The following LMO3 variants were observed in gnomAD, a reference collection of about 807,000 sequenced individuals.
LMO3 encodes the protein LIM domain only 3, also known as LIM domain only protein 3.
A neutral mutation model predicts 15.8 loss-of-function variants in LMO3; 2 were observed. The ratio of observed to expected loss-of-function variants is 0.13; its 90% CI spans 0.05 to 0.40. The LOEUF (loss-of-function observed/expected upper bound fraction) is 0.40, where lower values mean the gene tolerates loss of function less well. Ranked by LOEUF, LMO3 falls within the 10% of genes least tolerant of loss-of-function variation. The pLI is 0.99. For missense variants in LMO3, 86 were observed against 182.2 expected (o/e 0.47, Z 3.04); for synonymous variants, 62 against 63.8 (o/e 0.97, Z 0.13).
rs1282882121 is a variant in LMO3, at chr12:16,560,088, T to G, written c.332+325A>C. Among the ~76,000 whole-genome samples the G allele has an allele frequency of 6.6e-6, 1 of 152,144 alleles. No individual in the cohort carries two copies. The highest frequency in any genetic ancestry group is 1.5e-5 in the Non-Finnish European group (1 of 68,014). ...CCAATTTATTTACTCACATAAGTAG[T>G]ATAAAAAAGTAGATATTTAAAACTA... On this transcript the variant is annotated intron_variant, in intron 3 of 3. Coordinates refer to ENST00000537304, the MANE Select transcript of LMO3 (RefSeq NM_018640.5). This position sits in a 1 kb window ranked among gnomAD's most constrained non-coding sequence, Gnocchi z 5.0.
At chr12:16,561,681 C>T (rs1942411259) in intron 2 of LMO3, among the ~76,000 whole-genome samples, 1 of 152,162 alleles carries the variant, frequency 6.6e-6, no homozygotes, top group African/African-American at 2.4e-5. Context: ...GAAGTCTTTT[C>T]TTAAGGCATG....
chr12:16,581,981 T>A (rs1230344786), intron 2 of LMO3, among the ~76,000 whole-genome samples: 1 of 152,152 alleles, frequency 6.6e-6, no homozygotes, highest in Non-Finnish European at 1.5e-5. Flanking sequence ...TTATATTTAT[T>A]TACTTCGTTT....
At chr12:16,572,051 T>C (rs569488224) in intron 2 of LMO3, among the ~76,000 whole-genome samples, 2 of 152,080 alleles carry the variant, frequency 1.3e-5, no homozygotes, top group African/African-American at 2.4e-5. Context: ...AACTCCTTTT[T>C]GGAATAAGAA....
rs1943239559 is a variant in LMO3, at chr12:16,583,853, G to T, written c.206+16802C>A. The stretch of plus-strand genomic sequence containing the variant: ...TGATTGACAGTTGGGTTCATAGTGG[G>T]CAGGAAAGATAGAAGTCTTAAAGGT... On this transcript the variant is annotated intron_variant, in intron 2 of 3. Coordinates refer to ENST00000537304, the MANE Select transcript of LMO3 (RefSeq NM_018640.5). Among the ~76,000 whole-genome samples, 3 of 152,156 alleles carry T rather than the reference G, an allele frequency of 2.0e-5. 1 individual carries two copies. The South Asian group carries it at 6.2e-4, about 32-fold the overall frequency.
intron 2 of LMO3, among the ~76,000 whole-genome samples, chr12:16,581,651 A>C (rs1323204737): frequency 1.3e-5 from 2 of 152,182 alleles, no homozygotes; most frequent in African/African-American, 4.8e-5. Flanking sequence ...CTATTATAAC[A>C]GGCTTACCAT....
Position 16,549,168 on chromosome 12 carries a change from A to C in LMO3, c.*2054T>G, listed in dbSNP as rs1941895833. 1 of 152,066 alleles carries C rather than the reference A, an allele frequency of 6.6e-6. No homozygotes were observed. Among genetic ancestry groups the C allele is most frequent in the African/African-American group, 2.4e-5 (1 of 41,414 alleles). 9.4% of individuals were successfully genotyped at this position (152,066 alleles called of 1,614,324 possible). On this transcript the variant is annotated 3_prime_UTR_variant, in exon 4 of 4. Coordinates refer to ENST00000537304, the MANE Select transcript of LMO3 (RefSeq NM_018640.5). ...GCATTAAGAAAACCACTTTTCACTG[A>C]TCTCTCCCCCACATATTTTTAATTT...
At chr12:16,577,643 A>G (rs918644953) in intron 2 of LMO3, among the ~76,000 whole-genome samples, 2 of 152,202 alleles carry the variant, frequency 1.3e-5, no homozygotes, top group African/African-American at 4.8e-5. Flanking sequence ...ATAATAACAA[A>G]CAAACAGAAA....
rs1438095089 is a variant in LMO3 at position 16,589,289 on chromosome 12, A to T, written c.206+11366T>A. On this transcript the variant is annotated intron_variant, in intron 2 of 3. Transcript: ENST00000537304. The surrounding 1 kb of genome is among the most constrained non-coding windows in gnomAD (Gnocchi z 4.2). Reference sequence around the variant, plus strand: ...CATAAGTTATCTGCCACTGATGATCATTGATGGAGAAGGGGCAATACCTAA... The same window carrying T: ...CATAAGTTATCTGCCACTGATGATCTTTGATGGAGAAGGGGCAATACCTAA... Among the ~76,000 whole-genome samples the T allele has an allele frequency of 6.6e-6, 1 of 152,124 alleles. No homozygotes were observed. Among genetic ancestry groups the T allele is most frequent in the Non-Finnish European group, 1.5e-5 (1 of 68,000 alleles).
chr12:16,565,941 C>A lies in LMO3; in HGVS notation c.207-5403G>T, dbSNP rs200346779. Among the ~76,000 whole-genome samples, 15 of 132,246 alleles carry A rather than the reference C, an allele frequency of 1.1e-4. No homozygotes were observed. In the East Asian group the frequency reaches 3.5e-3, roughly 31 times the overall value. The allele number at this position is 132,246 out of a possible 152,430, so 86.8% of individuals were successfully genotyped here. On this transcript the variant is annotated intron_variant, in intron 2 of 3. Transcript: ENST00000537304. ...TACAATAGTCAAGCTATGGAATCAACCTACATGCCCATCAATGGATGAATG... is the reference window on the plus strand; with the variant it reads ...TACAATAGTCAAGCTATGGAATCAAACTACATGCCCATCAATGGATGAATG...
Position 16,586,529 on chromosome 12 carries a change from A to G in LMO3, c.206+14126T>C, listed in dbSNP as rs191230769. On this transcript the variant is annotated intron_variant, in intron 2 of 3. Transcript: ENST00000537304. The surrounding 1 kb of genome is among the most constrained non-coding windows in gnomAD (Gnocchi z 4.3). Reference sequence around the variant, plus strand: ...GTCCACAGAAAAAAATCTGTTGTATAATATTGTCAGATTCAGGCCAACTGA... The same window carrying G: ...GTCCACAGAAAAAAATCTGTTGTATGATATTGTCAGATTCAGGCCAACTGA... Among the ~76,000 whole-genome samples the G allele has an allele frequency of 1.4e-4, 22 of 152,274 alleles. No homozygotes were observed. The East Asian group carries it at 3.9e-3, about 27-fold the overall frequency.
intron 2 of LMO3, among the ~76,000 whole-genome samples, chr12:16,563,541 A>G (rs77225724): frequency 0.034 from 5,187 of 152,146 alleles, 301 homozygotes; most frequent in African/African-American, 0.12. Context: ...CAGTCTCTTA[A>G]CTATCTAATT....
chr12:16,563,816 A>C (rs1489785453), intron 2 of LMO3, among the ~76,000 whole-genome samples: 6 of 152,326 alleles, frequency 3.9e-5, no homozygotes, highest in Admixed American at 3.9e-4. Flanking sequence ...ACAGCATACC[A>C]GCTTATACAT....
chr12:16,590,466 T>C (rs1437246852), intron 2 of LMO3, among the ~76,000 whole-genome samples: 1 of 152,086 alleles, frequency 6.6e-6, no homozygotes, highest in Non-Finnish European at 1.5e-5. Context: ...GATAATTAAA[T>C]AGGGCTTGGC....
In LMO3 at chr12:16,604,932, A is replaced by AGC; in HGVS notation, c.-9+1132_-9+1133dup. On this transcript the variant is annotated intron_variant, in intron 1 of 3. Coordinates refer to ENST00000537304, the MANE Select transcript of LMO3 (RefSeq NM_018640.5). This position sits in a 1 kb window ranked among gnomAD's most constrained non-coding sequence, Gnocchi z 5.3. The stretch of plus-strand genomic sequence containing the variant: ...TCTGAGTTGCAGCAGCTTCGCATTG[A>AGC]GCACCAAACCCAAAGGTAGAAGTAG... 6.3e-7 allele frequency: 1 copy of AGC among 1,598,394 alleles called. No homozygotes were observed. Among genetic ancestry groups the AGC allele is most frequent in the Non-Finnish European group, 8.5e-7 (1 of 1,179,792 alleles).
At chr12:16,583,468 A>G (rs1168331317) in intron 2 of LMO3, among the ~76,000 whole-genome samples, 2 of 152,230 alleles carry the variant, frequency 1.3e-5, no homozygotes, top group Non-Finnish European at 2.9e-5. Flanking sequence ...AAGAAAAACA[A>G]GTTACCTCAT....
intron 2 of LMO3, among the ~76,000 whole-genome samples, chr12:16,594,492 T>C (rs2137652192): frequency 6.6e-6 from 1 of 151,758 alleles, no homozygotes; most frequent in East Asian, 1.9e-4. Context: ...ACTTCATATA[T>C]TGTATTTTTT....
At chr12:16,554,197 T>A (rs781557139) in intron 3 of LMO3, among the ~76,000 whole-genome samples, 24 of 152,208 alleles carry the variant, frequency 1.6e-4, no homozygotes, top group Non-Finnish European at 3.2e-4. Flanking sequence ...TAGTAAATCA[T>A]CCTTATAAAA....
At chr12:16,578,118 T>A (rs1943050317) in intron 2 of LMO3, among the ~76,000 whole-genome samples, 1 of 152,150 alleles carries the variant, frequency 6.6e-6, no homozygotes, top group African/African-American at 2.4e-5. Flanking sequence ...CTCCCAGAAG[T>A]CTTGCCAGGC....
In LMO3 at chr12:16,560,206, T is replaced by C. The variant is rs1232111210; in HGVS notation, c.332+207A>G. Among the ~76,000 whole-genome samples, 3 of 152,214 alleles carry C rather than the reference T, an allele frequency of 2.0e-5. No individual in the cohort carries two copies. Among genetic ancestry groups the C allele is most frequent in the Admixed American group, 6.5e-5 (1 of 15,282 alleles). ...TTCCATTTTCTGTTACTTGCTCTTA[T>C]ATGATGCTTTTCTTTCAGGTAGAAG... is the stretch of plus-strand genomic sequence containing the variant. On this transcript the variant is annotated intron_variant, in intron 3 of 3. Coordinates refer to ENST00000537304, the MANE Select transcript of LMO3 (RefSeq NM_018640.5). This position sits in a 1 kb window ranked among gnomAD's most constrained non-coding sequence, Gnocchi z 5.0.
Sources: gnomAD v4.1 joint callset for allele counts (sites outside exome capture counted in the v4.1 genomes callset) on GRCh38, gnomAD v4.1.1 for gene constraint, Gnocchi (gnomAD v3.1) non-coding constraint, MANE v1.5 for transcripts, NCBI Gene and HGNC (gene_info 2026-07-23, HGNC 2026-07-21) for gene names.